Variants in KLHL29 observed in about 807,000 individuals in gnomAD.
KLHL29 encodes kelch like family member 29.
In KLHL29, 21 loss-of-function variants were observed where a neutral mutation model predicts 80.4. The ratio of observed to expected loss-of-function variants is 0.26; its 90% CI spans 0.19 to 0.38. KLHL29 has a LOEUF of 0.38. Among genes scored for constraint, KLHL29 ranks in the 10% least tolerant of loss-of-function variants. KLHL29 has a pLI of 1.00. For synonymous variants in KLHL29, 511 were observed against 526.8 expected (o/e 0.97, Z 0.41); for missense variants, 867 against 1,223.9 (o/e 0.71, Z 4.35).
chr2:23,386,359 T>G (rs1198787274), intron 1 of KLHL29, among the ~76,000 whole-genome samples: 1 of 152,144 alleles, frequency 6.6e-6, no homozygotes, highest in Non-Finnish European at 1.5e-5. Flanking sequence ...CAAGTAACTT[T>G]CGAGGTAGAT....
chr2:23,704,258 T>G (rs562460888), intron 13 of KLHL29, among the ~76,000 whole-genome samples: 1 of 152,214 alleles, frequency 6.6e-6, no homozygotes, highest in Non-Finnish European at 1.5e-5. Context: ...GGGAATGCTC[T>G]GAGGACATGA....
In KLHL29 at chr2:23,612,527, A is replaced by C. The variant is rs567234741; in HGVS notation, c.286-26612A>C. 3.3e-5 allele frequency among the ~76,000 whole-genome samples: 5 copies of C among 152,300 alleles called. No homozygotes were observed. In the East Asian group the frequency reaches 9.6e-4, roughly 29 times the overall value. On this transcript the variant is annotated intron_variant, in intron 3 of 13. Coordinates refer to ENST00000486442, the MANE Select transcript of KLHL29 (RefSeq NM_052920.2). Reference sequence around the variant, plus strand: ...TAGGCCGTGGCAGGTGGATCACCTGAGGTCAGGAGTTGGAGACCAGCCTGG... The same window carrying C: ...TAGGCCGTGGCAGGTGGATCACCTGCGGTCAGGAGTTGGAGACCAGCCTGG...
At chr2:23,620,120 A>T (rs1347868535) in intron 3 of KLHL29, among the ~76,000 whole-genome samples, 5 of 152,152 alleles carry the variant, frequency 3.3e-5, no homozygotes, top group Non-Finnish European at 5.9e-5. Flanking sequence ...GAGGGGGCCC[A>T]GTGGACACAC....
rs550748990 is a variant in KLHL29 at position 23,390,751 on chromosome 2, A to G, written c.-154+4971A>G. ...GCTGCAACCCCTGCCTCCTGGGTTC[A>G]TGAGATTCTCCTGCCTCAGCCTCCA... On this transcript the variant is annotated intron_variant, in intron 1 of 13. Transcript: ENST00000486442. 1.4e-3 allele frequency among the ~76,000 whole-genome samples: 206 copies of G among 147,048 alleles called. 4 individuals are homozygous for G. Among genetic ancestry groups the G allele is most frequent in the Admixed American group, 2.2e-3 (32 of 14,282 alleles).
intron 5 of KLHL29, among the ~76,000 whole-genome samples, chr2:23,659,792 G>T (rs1042105949): frequency 6.6e-6 from 1 of 151,982 alleles, no homozygotes; most frequent in East Asian, 1.9e-4. Context: ...TCCAGGCCTG[G>T]CCAGCCTCTG....
intron 2 of KLHL29, among the ~76,000 whole-genome samples, chr2:23,476,541 G>A (rs1664647900): frequency 6.6e-6 from 1 of 152,074 alleles, no homozygotes; most frequent in Non-Finnish European, 1.5e-5. Context: ...AATGTATCAA[G>A]CCATTTCGTA....
In KLHL29 at chr2:23,691,773, C is replaced by T. The variant is rs1194665493; in HGVS notation, c.1179C>T (p.Tyr393=). ...TGGAGTTGCTGCTGGAGTTTGTCTACACGGGCTCCCTGGTCATCGACTCGG... is the reference window on the plus strand; with the variant it reads ...TGGAGTTGCTGCTGGAGTTTGTCTATACGGGCTCCCTGGTCATCGACTCGG... The part of the protein sequence containing the change: ...DVLELLLEFV[Y]TGSLVIDSAN... The change falls in exon 7 of 14, where the codon TAC becomes TAT. Residue 393 remains tyrosine, a synonymous_variant. Transcript: ENST00000486442. 3.9e-6 allele frequency: 6 copies of T among 1,551,748 alleles called. No homozygotes were observed. Among genetic ancestry groups the T allele is most frequent in the Non-Finnish European group, 5.2e-6 (6 of 1,147,018 alleles).
intron 2 of KLHL29, among the ~76,000 whole-genome samples, chr2:23,543,213 C>T (rs1427972765): frequency 6.6e-6 from 1 of 152,132 alleles, no homozygotes; most frequent in South Asian, 2.1e-4. Flanking sequence ...CCGAGTCACT[C>T]GCACACACAT....
At chr2:23,544,154 C>A (rs1360555643) in intron 2 of KLHL29, among the ~76,000 whole-genome samples, 1 of 152,162 alleles carries the variant, frequency 6.6e-6, no homozygotes, top group African/African-American at 2.4e-5. Context: ...GAAGAACAGG[C>A]CTGAGTCCAG....
Position 23,706,388 on chromosome 2 carries a change from G to C in KLHL29, c.2445-93G>C, listed in dbSNP as rs370503130. The C allele has an allele frequency of 3.0e-6, 3 of 999,502 alleles. No homozygotes were observed. In the South Asian group the frequency reaches 7.5e-5, roughly 25 times the overall value. The allele number at this position is 999,502 out of a possible 1,614,324, so 61.9% of individuals were successfully genotyped here. A position where few individuals can be genotyped will look rare whatever the true frequency, so the allele number is the denominator to read the frequency against. The stretch of plus-strand genomic sequence containing the variant: ...CCAGATGCCTTCTGCAAAAGGCACA[G>C]GCAGCCTACAACAGGACACGACGTT... On this transcript the variant is annotated intron_variant, in intron 13 of 13. Coordinates refer to ENST00000486442, the MANE Select transcript of KLHL29 (RefSeq NM_052920.2).
At chr2:23,440,458 A>G (rs1663482956) in intron 1 of KLHL29, among the ~76,000 whole-genome samples, 1 of 152,220 alleles carries the variant, frequency 6.6e-6, no homozygotes, top group Non-Finnish European at 1.5e-5. Context: ...CAATAGCAAC[A>G]AAAGCCATAA....
Position 23,642,361 on chromosome 2 carries a change from G to A in KLHL29, c.451G>A (p.Val151Met). The A allele has an allele frequency of 7.0e-7, 1 of 1,434,328 alleles. No individual in the cohort carries two copies. Among genetic ancestry groups the A allele is most frequent in the Non-Finnish European group, 9.2e-7 (1 of 1,088,736 alleles). 88.9% of individuals were successfully genotyped at this position (1,434,328 alleles called of 1,614,324 possible). Residue 151 changes from valine to methionine, a missense_variant, in exon 5 of 14, where the codon GTG becomes ATG. This residue lies in a region of KLHL29 where 424 missense variants were observed against 456.9 expected (regional missense o/e 0.93). Transcript: ENST00000486442. ...NPGTGPWVTT[V>M]AAGNQPTLIA... The stretch of plus-strand genomic sequence containing the variant: ...AGGCACAGGGCCATGGGTGACCACG[G>A]TGGCCGCCGGGAACCAGCCCACCCT...
chr2:23,450,286 C>T (rs1008673112), intron 1 of KLHL29, among the ~76,000 whole-genome samples: 14 of 152,034 alleles, frequency 9.2e-5, no homozygotes, highest in African/African-American at 3.4e-4. Flanking sequence ...TGCCGCCAGG[C>T]CGAGATGGTT....
chr2:23,539,992 G>A (rs1439949392), intron 2 of KLHL29, among the ~76,000 whole-genome samples: 1 of 152,142 alleles, frequency 6.6e-6, no homozygotes, highest in African/African-American at 2.4e-5. Context: ...TCAGGGAACA[G>A]GTGTGCCGCC....
intron 1 of KLHL29, among the ~76,000 whole-genome samples, chr2:23,468,240 C>T (rs1269755716): frequency 6.6e-6 from 1 of 152,006 alleles, no homozygotes; most frequent in African/African-American, 2.4e-5. Context: ...AGATGCAGCT[C>T]CCTCAGATTA....
At chr2:23,428,196 T>C (rs1663058781) in intron 1 of KLHL29, among the ~76,000 whole-genome samples, 1 of 152,206 alleles carries the variant, frequency 6.6e-6, no homozygotes, top group Non-Finnish European at 1.5e-5. Flanking sequence ...GCAGAAGGCC[T>C]TGGAGTGTTG....
chr2:23,441,928 A>T (rs533328915), intron 1 of KLHL29, among the ~76,000 whole-genome samples: 1 of 152,198 alleles, frequency 6.6e-6, no homozygotes, highest in Non-Finnish European at 1.5e-5. Context: ...ACATAGTATG[A>T]TGAGCAGCAT....
chr2:23,479,551 C>T (rs527961179), intron 2 of KLHL29, among the ~76,000 whole-genome samples: 1 of 152,222 alleles, frequency 6.6e-6, no homozygotes, highest in South Asian at 2.1e-4. Flanking sequence ...CCCAGCCCTC[C>T]CTCCACTCCC....
At chr2:23,633,756 C>CTGT (rs35002083) in intron 3 of KLHL29, among the ~76,000 whole-genome samples, 21,352 of 147,106 alleles carry the variant, frequency 0.15, 1,769 homozygotes, top group Middle Eastern at 0.21. Flanking sequence ...TCACAGCACT[C>CTGT]GTGTGTGTGT....
Sources: allele counts gnomAD v4.1 joint callset (sites outside exome capture counted in the v4.1 genomes callset), GRCh38; gene constraint gnomAD v4.1.1; regional missense constraint gnomAD v4.1.1; transcripts MANE v1.5; gene names NCBI Gene and HGNC (gene_info 2026-07-23, HGNC 2026-07-21).